PHACTR3: variants seen among roughly 807,000 people sequenced by gnomAD.
PHACTR3 encodes protein phosphatase 1, regulatory subunit 123.
In PHACTR3, 16 loss-of-function variants were observed where a neutral mutation model predicts 66.8. The ratio of observed to expected loss-of-function variants is 0.24; its 90% confidence interval spans 0.16 to 0.36. The LOEUF is 0.36. Ranked by LOEUF, PHACTR3 falls within the 10% of genes least tolerant of loss-of-function variation. The pLI, the probability that PHACTR3 is intolerant of heterozygous loss-of-function variation, is 1.00. For synonymous variants in PHACTR3, 323 were observed against 292.1 expected, an observed-to-expected ratio of 1.11 and a Z score of -1.08; for missense variants, 647 against 719.9, an observed-to-expected ratio of 0.90 and a Z score of 1.16.
intron 4 of PHACTR3, among the ~76,000 whole-genome samples, chr20:59,757,004 C>T (rs989129221): frequency 3.3e-5 from 5 of 152,208 alleles, no homozygotes; most frequent in African/African-American, 1.2e-4. Flanking sequence ...AGAATTCAAA[C>T]AAATTGATAA....
intron 1 of PHACTR3, among the ~76,000 whole-genome samples, chr20:59,646,044 G>C (rs1189411599): frequency 6.6e-6 from 1 of 152,182 alleles, no homozygotes; most frequent in East Asian, 1.9e-4. Context: ...CCAGTCCCGT[G>C]GGCAGTTCTA....
intron 1 of PHACTR3, among the ~76,000 whole-genome samples, chr20:59,714,441 G>C (rs1601168251): frequency 6.6e-6 from 1 of 152,166 alleles, no homozygotes; most frequent in South Asian, 2.1e-4. Context: ...TTGGTGAAAG[G>C]ACCATTCTTT....
chr20:59,798,518 G>T (rs1293883014), intron 7 of PHACTR3, among the ~76,000 whole-genome samples: 1 of 152,126 alleles, frequency 6.6e-6, no homozygotes, highest in Non-Finnish European at 1.5e-5. Context: ...TTTTTAATTA[G>T]AAATTCTATT....
chr20:59,672,731 C>T (rs762971364), intron 1 of PHACTR3, among the ~76,000 whole-genome samples: 1 of 152,208 alleles, frequency 6.6e-6, no homozygotes, highest in East Asian at 1.9e-4. Flanking sequence ...ACCCAGCTTG[C>T]GGCCTCCTTC....
At chr20:59,779,452 C>G (rs997930295) in intron 7 of PHACTR3, among the ~76,000 whole-genome samples, 4 of 152,322 alleles carry the variant, frequency 2.6e-5, no homozygotes, top group Middle Eastern at 3.4e-3. Context: ...ATTTGCTTCT[C>G]TCTGCAGTGT....
At chr20:59,756,558 G>A (rs1453463729) in intron 4 of PHACTR3, among the ~76,000 whole-genome samples, 1 of 152,124 alleles carries the variant, frequency 6.6e-6, no homozygotes, top group African/African-American at 2.4e-5. Context: ...CACTTGGCTT[G>A]GAATTTGGGG....
chr20:59,697,742 T>G (rs1328038209), intron 1 of PHACTR3, among the ~76,000 whole-genome samples: 6 of 152,200 alleles, frequency 3.9e-5, no homozygotes, highest in African/African-American at 1.4e-4. Context: ...CAAAAAAATT[T>G]AATTTAATCA....
At chr20:59,745,604 G>C (rs1286401332) in intron 2 of PHACTR3, among the ~76,000 whole-genome samples, 2 of 152,208 alleles carry the variant, frequency 1.3e-5, no homozygotes, top group Non-Finnish European at 2.9e-5. Context: ...CTGATTTCAC[G>C]GGCATCACGG....
intron 7 of PHACTR3, among the ~76,000 whole-genome samples, chr20:59,774,858 CAGTGTACAGA>C (rs1439328285): frequency 6.6e-6 from 1 of 151,636 alleles, no homozygotes; most frequent in Non-Finnish European, 1.5e-5. Flanking sequence ...TACAGATGCT[CAGTGTACAGA>C]AGTTATAGCA....
intron 7 of PHACTR3, among the ~76,000 whole-genome samples, chr20:59,777,590 A>G (rs966330767): frequency 3.9e-5 from 6 of 152,288 alleles, no homozygotes; most frequent in Middle Eastern, 3.4e-3. Context: ...GTTGGCTTCT[A>G]TGACAACACT....
upstream of PHACTR3, among the ~76,000 whole-genome samples, chr20:59,602,439 CAAAAAA>C (rs11477953): frequency 2.4e-4 from 21 of 86,002 alleles, no homozygotes; most frequent in African/African-American, 8.0e-4. Flanking sequence ...AAAACTCTTT[CAAAAAA>C]AAAAAAAAAA....
chr20:59,822,857 C>T (rs546397468), intron 8 of PHACTR3, among the ~76,000 whole-genome samples: 5 of 152,252 alleles, frequency 3.3e-5, no homozygotes, highest in South Asian at 2.1e-4. Flanking sequence ...TGGAGAGCGG[C>T]GGGCTGTTCA....
chr20:59,684,963 C>T (rs1018445802), intron 1 of PHACTR3, among the ~76,000 whole-genome samples: 6 of 152,260 alleles, frequency 3.9e-5, no homozygotes, highest in Middle Eastern at 3.4e-3. Flanking sequence ...CAGCACGTCC[C>T]GTGGCTCAGC....
chr20:59,692,202 G>A (rs920385711), intron 1 of PHACTR3, among the ~76,000 whole-genome samples: 1 of 152,194 alleles, frequency 6.6e-6, no homozygotes, highest in Non-Finnish European at 1.5e-5. Context: ...GTTTGATAAG[G>A]AAGTGAGTGG....
intron 1 of PHACTR3, among the ~76,000 whole-genome samples, chr20:59,718,534 G>A (rs543982647): frequency 1.3e-5 from 2 of 151,386 alleles, no homozygotes; most frequent in South Asian, 4.2e-4. Context: ...TGCAGGTACA[G>A]CATCGTGAAA....
intron 1 of PHACTR3, among the ~76,000 whole-genome samples, chr20:59,635,304 G>A (rs2034857446): frequency 3.5e-5 from 5 of 143,216 alleles, no homozygotes; most frequent in Admixed American, 1.4e-4. Flanking sequence ...GCGCAATCTC[G>A]GCTCACTGCA....
chr20:59,731,435 A>G (rs776137033), intron 1 of PHACTR3, among the ~76,000 whole-genome samples: 4 of 152,144 alleles, frequency 2.6e-5, no homozygotes, highest in Non-Finnish European at 5.9e-5. Context: ...AACAAAGCCA[A>G]TTTTCCAGAT....
intron 1 of PHACTR3, among the ~76,000 whole-genome samples, chr20:59,635,117 TTC>T (rs1419986800): frequency 1.3e-4 from 10 of 75,464 alleles, no homozygotes; most frequent in Non-Finnish European, 1.6e-4. Context: ...CTTTCTTTCT[TTC>T]TTTCTTTCTT....
In PHACTR3 at chr20:59,701,778, T is replaced by A. The variant is rs2037514555; in HGVS notation, c.119-41329T>A. On this transcript the variant is annotated intron_variant, in intron 1 of 12. Coordinates refer to ENST00000371015, the MANE Select transcript of PHACTR3 (RefSeq NM_080672.5). ...CAGGGCTTACACTTGCTGTTTACAT[T>A]CTACGGGTTTTGACAAATGCATAAT... Among the ~76,000 whole-genome samples the A allele has an allele frequency of 4.6e-5, 7 of 152,250 alleles. No homozygotes were observed. The South Asian group carries it at 1.4e-3, about 32-fold the overall frequency.
Sources: gnomAD v4.1 joint callset for allele counts (sites outside exome capture counted in the v4.1 genomes callset) on GRCh38, gnomAD v4.1.1 for gene constraint, MANE v1.5 for transcripts, NCBI Gene and HGNC (gene_info 2026-07-23, HGNC 2026-07-21) for gene names.